DNAH9: variants seen among roughly 807,000 people sequenced by gnomAD.
DNAH9 encodes the protein dynein axonemal heavy chain 9, also known as DNAH9 variant protein.
Under a neutral mutation model 471.6 loss-of-function variants are expected in DNAH9, and 345 were observed. That is an observed-to-expected ratio of 0.73 (90% CI 0.67 to 0.80). DNAH9 has a LOEUF of 0.80. Ranked by LOEUF, DNAH9 falls within the 30% of genes least tolerant of loss-of-function variation. DNAH9 has a pLI of 0.00. For missense variants in DNAH9, 5,407 were observed against 5,609.2 expected (o/e 0.96, Z 1.15); for synonymous variants, 2,093 against 2,123.6 (o/e 0.99, Z 0.40).
chr17:11,822,412 T>C (rs1970339407), intron 46 of DNAH9, 26 bp from the exon 47 acceptor site: 1 of 1,613,254 alleles, frequency 6.2e-7, no homozygotes, highest in African/African-American at 1.3e-5. Context: ...GCCTTCCTGG[T>C]TCTCCCCACC....
chr17:11,763,387 A>T, intron 35 of DNAH9, 53 bp from the exon 36 acceptor site: 2 of 1,531,438 alleles, frequency 1.3e-6, no homozygotes, highest in Non-Finnish European at 1.8e-6. Flanking sequence ...CAACAGCACC[A>T]CCAGAATGGA....
At chr17:11,739,375 CTTT>C (rs890661481) in intron 29 of DNAH9, among the ~76,000 whole-genome samples, 1 of 152,154 alleles carries the variant, frequency 6.6e-6, no homozygotes, top group African/African-American at 2.4e-5. Flanking sequence ...TGGCTGCATA[CTTT>C]TTTATCAAGT....
chr17:11,720,608 C>T (rs2075039718), intron 27 of DNAH9, among the ~76,000 whole-genome samples: 1 of 152,148 alleles, frequency 6.6e-6, no homozygotes, highest in Admixed American at 6.5e-5. Flanking sequence ...GCTATATTGA[C>T]TGTAAAATAA....
intron 41 of DNAH9, among the ~76,000 whole-genome samples, chr17:11,792,060 T>A (rs979018607): frequency 6.6e-6 from 1 of 152,066 alleles, no homozygotes; most frequent in Non-Finnish European, 1.5e-5. Flanking sequence ...GGTGGGTGGA[T>A]CACCTGAGGT....
chr17:11,616,353 C>T (rs1022042507), intron 4 of DNAH9, among the ~76,000 whole-genome samples: 3 of 152,132 alleles, frequency 2.0e-5, no homozygotes, highest in Admixed American at 6.5e-5. Flanking sequence ...GAATGCAGAG[C>T]TTCATCCGCA....
intron 41 of DNAH9, among the ~76,000 whole-genome samples, chr17:11,791,448 T>C (rs561184036): frequency 1.8e-4 from 27 of 152,304 alleles, no homozygotes; most frequent in African/African-American, 5.5e-4. Flanking sequence ...GAGGTGGCTC[T>C]TGCCTGTAAT....
intron 43 of DNAH9, among the ~76,000 whole-genome samples, chr17:11,798,078 T>G (rs1001132367): frequency 9.2e-5 from 14 of 151,992 alleles, no homozygotes. Context: ...GATCATAAAA[T>G]GGGACCCAGA....
intron 33 of DNAH9, among the ~76,000 whole-genome samples, chr17:11,755,812 C>G (rs1382426898): frequency 6.6e-6 from 1 of 152,098 alleles, no homozygotes; most frequent in East Asian, 1.9e-4. Context: ...CGTTTTCACA[C>G]TGCTGATAAA....
At chr17:11,615,988 A>T (rs1045952993) in intron 4 of DNAH9, among the ~76,000 whole-genome samples, 22 of 152,330 alleles carry the variant, frequency 1.4e-4, no homozygotes, top group African/African-American at 5.3e-4. Flanking sequence ...TTTGCAAAAA[A>T]TTCGATTCAC....
chr17:11,763,599 A>G lies in DNAH9; in HGVS notation c.7155A>G (p.Ala2385=), dbSNP rs376598725. 4 of 1,614,020 alleles carry G rather than the reference A, an allele frequency of 2.5e-6. No homozygotes were observed. The African/African-American group carries it at 5.3e-5, about 22-fold the overall frequency. ...CTGCCATCTGGGCTTTCGGCGGAGC[A>G]ATGGTCCAAGATCAGGTAAGGAGAT... The part of the protein sequence containing the change: ...VFAAIWAFGG[A]MVQDQLVDYR... The change falls in exon 36 of 69, where the codon GCA becomes GCG. Residue 2385 remains alanine (A), a synonymous_variant. Coordinates refer to ENST00000262442, the MANE Select transcript of DNAH9 (RefSeq NM_001372.4).
intron 31 of DNAH9, among the ~76,000 whole-genome samples, chr17:11,745,921 C>T (rs546636428): frequency 3.3e-5 from 5 of 152,010 alleles, no homozygotes; most frequent in Admixed American, 6.5e-5. Flanking sequence ...ACAGAAAGTG[C>T]GAGAGGTGAG....
chr17:11,729,296 C>A (rs777306061), intron 28 of DNAH9, among the ~76,000 whole-genome samples: 5 of 152,050 alleles, frequency 3.3e-5, no homozygotes, highest in African/African-American at 9.7e-5. Flanking sequence ...AGGCTGAGCA[C>A]CCCCCTTCTC....
At chr17:11,845,985 G>A (rs1480216156) in intron 49 of DNAH9, among the ~76,000 whole-genome samples, 4 of 151,832 alleles carry the variant, frequency 2.6e-5, no homozygotes, top group African/African-American at 4.9e-5. Context: ...TTCTTTTGCT[G>A]TGCAGAAGCT....
chr17:11,673,452 C>T (rs148752972), intron 17 of DNAH9, among the ~76,000 whole-genome samples: 11 of 152,252 alleles, frequency 7.2e-5, no homozygotes, highest in Admixed American at 2.0e-4. Context: ...CTTTCCTTTA[C>T]ACATTCTTAG....
intron 13 of DNAH9, 141 bp downstream of exon 13, chr17:11,651,465 G>A: frequency 1.2e-6 from 1 of 824,890 alleles, no homozygotes; most frequent in Non-Finnish European, 1.9e-6. Context: ...ACATATCCAA[G>A]CAGAGAAGGC....
rs758358785 is a variant in DNAH9 at position 11,807,890 on chromosome 17, T to A, written c.8579T>A (p.Phe2860Tyr). 61 of 1,602,166 alleles carry A rather than the reference T, an allele frequency of 3.8e-5. No homozygotes were observed. Among genetic ancestry groups the A allele is most frequent in the Non-Finnish European group, 5.0e-5 (58 of 1,170,362 alleles). ...CGCAAAGGCTACCAGATCCAGGACT[T>A]CAAGGTAAAAGGTCAGGCAGCTGCA... ...TLRKGYQIQD[F>Y]KMDLASLCLK... is the part of the protein sequence containing the mutation. The change falls in exon 44 of 69, where the codon TTC becomes TAC. Residue 2860 changes from phenylalanine to tyrosine, a missense_variant. By Grantham distance (22) the Phe-to-Tyr change is conservative. Around this residue, in one of 3 missense-constraint regions of DNAH9, gnomAD observed 4,636 missense variants for 4,900.3 expected, o/e 0.95. Transcript: ENST00000262442.
At position 11,962,457 on chromosome 17, in the gene DNAH9, G is replaced by A. The variant is rs971692483; in HGVS notation, c.13233+201G>A. On this transcript the variant is annotated intron_variant, in intron 68 of 68. Transcript: ENST00000262442. The surrounding 1 kb of genome is among the most constrained non-coding windows in gnomAD (Gnocchi z 4.1). ...AGTTTTGCAGAGGCAGTAGAGTGGAGAGGTTAATAGCAAGGGCTTTGGAAC... is the reference window on the plus strand; with the variant it reads ...AGTTTTGCAGAGGCAGTAGAGTGGAAAGGTTAATAGCAAGGGCTTTGGAAC... Among the ~76,000 whole-genome samples the A allele has an allele frequency of 7.2e-5, 11 of 152,346 alleles. No homozygotes were observed. The highest frequency in any genetic ancestry group is 3.4e-3 in the Middle Eastern group (1 of 294).
chr17:11,961,131 A>G (rs1976123131), intron 67 of DNAH9, among the ~76,000 whole-genome samples: 1 of 152,120 alleles, frequency 6.6e-6, no homozygotes, highest in Non-Finnish European at 1.5e-5. Context: ...CCAGACCAAC[A>G]TGGTGAAACC....
intron 61 of DNAH9, 141 bp from the exon 62 acceptor site, chr17:11,923,673 G>T (rs1471864943): frequency 2.1e-6 from 2 of 949,854 alleles, no homozygotes; most frequent in Non-Finnish European, 3.0e-6. Context: ...GAAGGAAAAG[G>T]GTCAGTATAT....
Sources: gnomAD v4.1 joint callset for allele counts (sites outside exome capture counted in the v4.1 genomes callset) on GRCh38, gnomAD v4.1.1 for gene constraint, gnomAD v4.1.1 regional missense constraint, Gnocchi (gnomAD v3.1) non-coding constraint, MANE v1.5 for transcripts, NCBI Gene and HGNC (gene_info 2026-07-23, HGNC 2026-07-21) for gene names.